Variants in PSD3 observed in about 807,000 individuals in gnomAD.
The protein encoded by PSD3 is pleckstrin and Sec7 domain containing 3, also known as PH and SEC7 domain-containing protein 3.
Under a neutral mutation model 105.5 loss-of-function variants are expected in PSD3, and 49 were observed. That is an observed-to-expected ratio of 0.46 (90% CI 0.37 to 0.59). PSD3 has a LOEUF of 0.59. Ranked by LOEUF, PSD3 falls within the 20% of genes least tolerant of loss-of-function variation. The pLI, the probability that PSD3 is intolerant of heterozygous loss-of-function variation, is 0.00. For synonymous variants in PSD3, 557 were observed against 457.8 expected (o/e 1.22, Z -2.77); for missense variants, 1,561 against 1,263.8 (o/e 1.24, Z -3.57).
chr8:18,763,913 T>G (rs1376823999), intron 9 of PSD3, among the ~76,000 whole-genome samples: 1 of 152,144 alleles, frequency 6.6e-6, no homozygotes, highest in African/African-American at 2.4e-5. Flanking sequence ...AATACATACT[T>G]TCCCATGAGG....
intron 1 of PSD3, among the ~76,000 whole-genome samples, chr8:18,936,893 T>G (rs985808433): frequency 2.6e-4 from 39 of 152,342 alleles, no homozygotes; most frequent in African/African-American, 8.7e-4. Context: ...AAACCAGTCT[T>G]TCCCCAAAAT....
chr8:18,717,093 G>T (rs1441339343), intron 9 of PSD3, among the ~76,000 whole-genome samples: 1 of 152,246 alleles, frequency 6.6e-6, no homozygotes, highest in East Asian at 1.9e-4. Flanking sequence ...TTAGCTTCCA[G>T]CACTAAAATC....
chr8:18,979,164 A>G (rs1254253504), intron 1 of PSD3, among the ~76,000 whole-genome samples: 1 of 149,516 alleles, frequency 6.7e-6, no homozygotes, highest in East Asian at 1.9e-4. Context: ...GAAACCACCA[A>G]GACACTGGGG....
intron 1 of PSD3, among the ~76,000 whole-genome samples, chr8:18,987,144 T>C (rs1403844974): frequency 6.6e-6 from 1 of 152,166 alleles, no homozygotes; most frequent in Non-Finnish European, 1.5e-5. Flanking sequence ...CTCCACCCTT[T>C]TGTTTTTAAA....
chr8:18,828,067 ATTT>A (rs71218905), intron 4 of PSD3, among the ~76,000 whole-genome samples: 6 of 118,876 alleles, frequency 5.0e-5, no homozygotes, highest in South Asian at 5.3e-4. Context: ...ATATATATAT[ATTT>A]TTTTTTTTTT....
At chr8:18,745,422 C>A (rs1270799684) in intron 9 of PSD3, among the ~76,000 whole-genome samples, 1 of 152,154 alleles carries the variant, frequency 6.6e-6, no homozygotes, top group African/African-American at 2.4e-5. Flanking sequence ...CTAATACTAT[C>A]ACTTTGTTGC....
intron 8 of PSD3, among the ~76,000 whole-genome samples, chr8:18,777,168 G>A (rs553961679): frequency 3.9e-5 from 6 of 152,022 alleles, no homozygotes; most frequent in Middle Eastern, 3.4e-3. Flanking sequence ...TCAGCCTCCC[G>A]TGTAGCTGGG....
At chr8:18,957,684 G>C (rs1458488769) in intron 1 of PSD3, among the ~76,000 whole-genome samples, 2 of 152,206 alleles carry the variant, frequency 1.3e-5, no homozygotes, top group African/African-American at 4.8e-5. Context: ...TGGGCATTTT[G>C]CCAACATCCT....
chr8:18,886,567 AT>A, intron 2 of PSD3, among the ~76,000 whole-genome samples: 1 of 152,326 alleles, frequency 6.6e-6, no homozygotes, highest in South Asian at 2.1e-4. Flanking sequence ...ATATATAAAA[AT>A]ATATTTGCCT....
Position 18,844,750 on chromosome 8 carries a change from A to G in PSD3, c.1634+22924T>C, listed in dbSNP as rs1426326949. On this transcript the variant is annotated intron_variant, in intron 4 of 15. Coordinates refer to ENST00000327040, the MANE Select transcript of PSD3 (RefSeq NM_015310.4). ...GCACAAAAACCAATGTGTAAGAGAGACTGTTCACTTAGCAGGGCTCCTCTG... is the reference window on the plus strand; with the variant it reads ...GCACAAAAACCAATGTGTAAGAGAGGCTGTTCACTTAGCAGGGCTCCTCTG... 2.0e-5 allele frequency among the ~76,000 whole-genome samples: 3 copies of G among 152,228 alleles called. No individual in the cohort carries two copies. In the East Asian group the frequency reaches 5.8e-4, roughly 29 times the overall value.
intron 9 of PSD3, among the ~76,000 whole-genome samples, chr8:18,703,097 G>A (rs188148358): frequency 5.3e-5 from 8 of 152,160 alleles, no homozygotes; most frequent in Admixed American, 3.9e-4. Context: ...TGAGAGTGTC[G>A]AGAGCTGAAG....
At chr8:18,599,496 T>G (rs1444005958) in intron 12 of PSD3, among the ~76,000 whole-genome samples, 1 of 152,158 alleles carries the variant, frequency 6.6e-6, no homozygotes, top group Non-Finnish European at 1.5e-5. Context: ...AAGTGTCCAC[T>G]GAACGATGAA....
At chr8:18,724,464 G>C (rs1803208925) in intron 9 of PSD3, among the ~76,000 whole-genome samples, 1 of 151,884 alleles carries the variant, frequency 6.6e-6, no homozygotes, top group South Asian at 2.1e-4. Context: ...AATAAAACAT[G>C]AGCTGTGTGG....
intron 2 of PSD3, among the ~76,000 whole-genome samples, chr8:18,887,421 T>G (rs1467101384): frequency 6.6e-6 from 1 of 152,192 alleles, no homozygotes; most frequent in East Asian, 1.9e-4. Flanking sequence ...ACCAGTAACA[T>G]CCATTTTTAA....
intron 1 of PSD3, among the ~76,000 whole-genome samples, chr8:18,994,054 T>C (rs1032840503): frequency 6.6e-5 from 10 of 152,010 alleles, no homozygotes; most frequent in Non-Finnish European, 1.3e-4. Context: ...TTCCGTATCC[T>C]AGATCTACCA....
chr8:18,701,132 ATTT>A (rs35402329), intron 9 of PSD3, among the ~76,000 whole-genome samples: 1 of 138,056 alleles, frequency 7.2e-6, no homozygotes, highest in Non-Finnish European at 1.5e-5. Context: ...AGCCTGGCTG[ATTT>A]TTTTTTTTTT....
intron 1 of PSD3, among the ~76,000 whole-genome samples, chr8:19,068,185 G>C (rs1172692200): frequency 6.6e-6 from 1 of 151,984 alleles, no homozygotes; most frequent in Non-Finnish European, 1.5e-5. Flanking sequence ...ACAGCCCCTT[G>C]AGATCCTTAG....
chr8:18,834,500 C>T (rs1219630702), intron 4 of PSD3, among the ~76,000 whole-genome samples: 1 of 152,142 alleles, frequency 6.6e-6, no homozygotes, highest in Non-Finnish European at 1.5e-5. Flanking sequence ...GGCAACAGGC[C>T]CCAAGAGCCT....
Position 18,577,098 on chromosome 8 carries a change from T to C in PSD3, c.2482-1813A>G, listed in dbSNP as rs147334758. On this transcript the variant is annotated intron_variant, in intron 12 of 15. Coordinates refer to ENST00000327040, the MANE Select transcript of PSD3 (RefSeq NM_015310.4). ...ATGGGTTACACTGTGTAGCAGAGTT[T>C]GGGAAAGAAGAGTATTTTTTCATTG... is the stretch of plus-strand genomic sequence containing the variant. Among the ~76,000 whole-genome samples, 1,010 of 152,150 alleles carry C rather than the reference T, an allele frequency of 6.6e-3. 31 individuals are homozygous for C. The highest frequency in any genetic ancestry group is 0.035 in the Admixed American group (532 of 15,262).
Sources: allele counts gnomAD v4.1 joint callset (sites outside exome capture counted in the v4.1 genomes callset), GRCh38; gene constraint gnomAD v4.1.1; transcripts MANE v1.5; gene names NCBI Gene and HGNC (gene_info 2026-07-23, HGNC 2026-07-21).